PHF11: variants seen among roughly 807,000 people sequenced by gnomAD.
PHF11 encodes BRCA1 C-terminus-associated protein.
Under a neutral mutation model 40.5 loss-of-function variants are expected in PHF11, and 38 were observed. That is an observed-to-expected ratio of 0.94 (90% CI 0.72 to 1.23). The LOEUF is 1.23. PHF11 is among the 50% of genes most tolerant of loss of function. The probability of loss-of-function intolerance (pLI) is 0.00; values close to 1 mark genes in which losing one functional copy is unlikely to be tolerated. For synonymous variants in PHF11, 127 were observed against 138.2 expected (o/e 0.92, Z 0.57); for missense variants, 369 against 392.4 (o/e 0.94, Z 0.50).
chr13:49,528,088 T>C (rs1269547178), intron 9 of PHF11, among the ~76,000 whole-genome samples: 1 of 152,230 alleles, frequency 6.6e-6, no homozygotes, highest in Non-Finnish European at 1.5e-5. Flanking sequence ...AAAGCCTTTA[T>C]GTAACATTAA....
chr13:49,497,136 C>T (rs199805082), intron 1 of PHF11: 5 of 1,289,350 alleles, frequency 3.9e-6, no homozygotes, highest in Non-Finnish European at 5.1e-6. Context: ...AACCACAAAA[C>T]GTCACACGTA....
chr13:49,523,413 T>G (rs1003654376), intron 7 of PHF11, 172 bp downstream of exon 7: 3 of 603,844 alleles, frequency 5.0e-6, no homozygotes, highest in African/African-American at 3.8e-5. Context: ...TCCCAGCATA[T>G]CAAGATAACT....
chr13:49,528,570 G>A lies in PHF11; in HGVS notation c.901G>A (p.Glu301Lys). ...QRWQQLKEEI[E>K]LLQDLKQTLC... ...GTGGCAGCAGTTGAAGGAAGAGATT[G>A]AGCTACTTCAGGACTTAAAACAAAC... The change falls in exon 10 of 10, where the codon GAG (glutamate) becomes AAG (lysine). Residue 301 changes from glutamate (E) to lysine (K), a missense_variant. Coordinates refer to ENST00000378319, the MANE Select transcript of PHF11 (RefSeq NM_001040443.3). 2 of 1,611,430 alleles carry A rather than the reference G, an allele frequency of 1.2e-6. No homozygotes were observed. Among genetic ancestry groups the A allele is most frequent in the South Asian group, 2.2e-5 (2 of 90,940 alleles).
intron 2 of PHF11, among the ~76,000 whole-genome samples, chr13:49,509,782 G>A (rs546060677): frequency 5.9e-5 from 9 of 152,126 alleles, no homozygotes; most frequent in Admixed American, 3.3e-4. Context: ...ACCTTCTTCC[G>A]TGATTGTGAG....
intron 4 of PHF11, among the ~76,000 whole-genome samples, 156 bp from the exon 5 acceptor site, chr13:49,520,738 G>A (rs1959183622): frequency 1.3e-5 from 2 of 152,078 alleles, no homozygotes; most frequent in South Asian, 4.1e-4. Context: ...CACTCAGTGT[G>A]GGTCACTAAT....
intron 1 of PHF11, 89 bp downstream of exon 1, chr13:49,496,184 T>C (rs1431059461): frequency 2.4e-6 from 2 of 842,554 alleles, no homozygotes; most frequent in South Asian, 4.4e-5. Context: ...CGTGGCCGCA[T>C]GGGGGCCCGA....
At chr13:49,497,601 A>C (rs952178727) in intron 1 of PHF11, among the ~76,000 whole-genome samples, 2 of 152,206 alleles carry the variant, frequency 1.3e-5, no homozygotes, top group Non-Finnish European at 2.9e-5. Flanking sequence ...CCTGGCTTCT[A>C]TTCTAGCCTT....
chr13:49,505,207 T>C (rs1243938684), intron 1 of PHF11, among the ~76,000 whole-genome samples: 1 of 151,440 alleles, frequency 6.6e-6, no homozygotes, highest in Non-Finnish European at 1.5e-5. Flanking sequence ...AAAAAACAGC[T>C]AGCTCATTCC....
intron 2 of PHF11, 124 bp downstream of exon 2, chr13:49,506,880 G>T: frequency 5.1e-5 from 19 of 372,976 alleles, no homozygotes; most frequent in Middle Eastern, 1.4e-3. Context: ...GCTTTTAGGT[G>T]AAGATTGGGG....
intron 3 of PHF11, among the ~76,000 whole-genome samples, chr13:49,517,231 G>A (rs1366188937): frequency 1.3e-5 from 2 of 152,008 alleles, no homozygotes; most frequent in Non-Finnish European, 2.9e-5. Flanking sequence ...TGCTTGTGCC[G>A]ACCCTGGGCT....
rs376173451 is a variant in PHF11, at chr13:49,524,117, T to C, written c.670T>C (p.Cys224Arg). 7.5e-6 allele frequency: 12 copies of C among 1,605,312 alleles called. No individual in the cohort carries two copies. The highest frequency in any genetic ancestry group is 9.4e-6 in the Non-Finnish European group (11 of 1,175,240). ...ATVKVPFLKKCKEAGLLNYLL... is the reference protein window; with the variant it reads ...ATVKVPFLKKRKEAGLLNYLL... Reference sequence around the variant, plus strand: ...TGTGAAAGTTCCTTTTCTTAAGAAATGCAAGGAAGCAGGACTTCTTAATTA... The same window carrying C: ...TGTGAAAGTTCCTTTTCTTAAGAAACGCAAGGAAGCAGGACTTCTTAATTA... Residue 224 changes from cysteine to arginine, a missense_variant, in exon 8 of 10, where the codon TGC (cysteine) becomes CGC (arginine). By Grantham distance (180) the Cys-to-Arg change is radical. Transcript: ENST00000378319.
intron 2 of PHF11, among the ~76,000 whole-genome samples, chr13:49,508,353 TATATTCATATATA>T (rs1205582940): frequency 2.1e-5 from 3 of 143,514 alleles, no homozygotes; most frequent in African/African-American, 5.2e-5. Flanking sequence ...ACTATATTCA[TATATTCATATATA>T]ATATATTACT....
intron 2 of PHF11, among the ~76,000 whole-genome samples, chr13:49,509,347 G>A (rs1959053087): frequency 6.6e-6 from 1 of 151,908 alleles, no homozygotes; most frequent in African/African-American, 2.4e-5. Context: ...CAAGTAGCTG[G>A]GATTACAGGC....
intron 6 of PHF11, 44 bp from the exon 7 acceptor site, chr13:49,523,130 GC>G (rs1209690410): frequency 8.1e-7 from 1 of 1,230,192 alleles, no homozygotes; most frequent in South Asian, 1.2e-5. Flanking sequence ...TTCATTTTAT[GC>G]AATATTAAAA....
At chr13:49,506,415 G>C (rs952932147) in intron 1 of PHF11, among the ~76,000 whole-genome samples, 2 of 151,922 alleles carry the variant, frequency 1.3e-5, no homozygotes, top group Admixed American at 1.3e-4. Flanking sequence ...TCATTATTAG[G>C]CATTTAGAAG....
chr13:49,525,682 T>C (rs1959240735), intron 8 of PHF11: 1 of 383,386 alleles, frequency 2.6e-6, no homozygotes, highest in African/African-American at 2.1e-5. Flanking sequence ...ATGGGATTAT[T>C]TTCTATAGGG....
rs1422270578 is a variant in PHF11 at position 49,520,337 on chromosome 13, G to A, written c.459-557G>A. Among the ~76,000 whole-genome samples, 3 of 152,320 alleles carry A rather than the reference G, an allele frequency of 2.0e-5. No individual in the cohort carries two copies. The East Asian group carries it at 5.8e-4, about 29-fold the overall frequency. ...GCTGGGATTACAGGCATGAGCCACCGTGCCCGGCCTCACTTCATTTCTTCA... is the reference window on the plus strand; with the variant it reads ...GCTGGGATTACAGGCATGAGCCACCATGCCCGGCCTCACTTCATTTCTTCA... On this transcript the variant is annotated intron_variant, in intron 4 of 9. Transcript: ENST00000378319.
At chr13:49,507,916 C>T (rs1334720795) in intron 2 of PHF11, among the ~76,000 whole-genome samples, 2 of 152,008 alleles carry the variant, frequency 1.3e-5, no homozygotes, top group Non-Finnish European at 2.9e-5. Context: ...CACTGAGGGA[C>T]GACTGCACTA....
intron 1 of PHF11, among the ~76,000 whole-genome samples, chr13:49,501,721 G>A (rs781492253): frequency 1.3e-5 from 2 of 151,404 alleles, no homozygotes; most frequent in African/African-American, 4.9e-5. Flanking sequence ...GAGGAGTTTC[G>A]CCCTTGTCGC....
Sources: allele counts gnomAD v4.1 joint callset (sites outside exome capture counted in the v4.1 genomes callset), GRCh38; gene constraint gnomAD v4.1.1; transcripts MANE v1.5; gene names NCBI Gene and HGNC (gene_info 2026-07-23, HGNC 2026-07-21).